Variants in CAMTA1 observed in about 807,000 individuals in gnomAD.
CAMTA1 encodes the protein calmodulin-binding transcription activator 1.
A neutral mutation model predicts 170.9 loss-of-function variants in CAMTA1; 27 were observed. The observed-to-expected ratio is 0.16, with a 90% CI of 0.12 to 0.22. The LOEUF (loss-of-function observed/expected upper bound fraction) is 0.22, where lower values mean the gene tolerates loss of function less well. Ranked by LOEUF, CAMTA1 falls within the 10% of genes least tolerant of loss-of-function variation. The pLI is 1.00. For synonymous variants in CAMTA1, 833 were observed against 891.5 expected (o/e 0.93, Z 1.17); for missense variants, 1,619 against 2,217.2 (o/e 0.73, Z 5.42).
intron 3 of CAMTA1, among the ~76,000 whole-genome samples, chr1:6,996,689 AAAAG>A (rs575454704): frequency 0.012 from 1,769 of 151,324 alleles, 27 homozygotes; most frequent in African/African-American, 0.038. Context: ...ATTTAAAAAA[AAAAG>A]AAAGAAAGAA....
intron 22 of CAMTA1, among the ~76,000 whole-genome samples, chr1:7,756,818 A>T (rs2096934711): frequency 6.6e-6 from 1 of 152,190 alleles, no homozygotes; most frequent in Non-Finnish European, 1.5e-5. Context: ...ACTGCACTCC[A>T]GCCTGAGCAA....
rs1225706523 is a variant in CAMTA1 at position 7,320,162 on chromosome 1, G to T, written c.438+70536G>T. ...ATCAAGTAGACGTGGTAAGGTGATT[G>T]TAGGCATTCTTGTCTTGCTCTTGAT... On this transcript the variant is annotated intron_variant, in intron 5 of 22. Transcript: ENST00000303635. Among the ~76,000 whole-genome samples the T allele has an allele frequency of 3.3e-5, 5 of 152,172 alleles. No homozygotes were observed. In the East Asian group the frequency reaches 9.6e-4, roughly 29 times the overall value.
intron 4 of CAMTA1, among the ~76,000 whole-genome samples, chr1:7,147,567 T>C (rs1272092463): frequency 1.4e-5 from 2 of 140,934 alleles, no homozygotes; most frequent in African/African-American, 2.7e-5. Context: ...CAAACATACA[T>C]CACACACACG....
Position 7,745,835 on chromosome 1 carries a change from C to T in CAMTA1, c.4371-10C>T, listed in dbSNP as rs1478525739. On this transcript the variant is annotated splice_polypyrimidine_tract_variant and intron_variant, in intron 17 of 22. Coordinates refer to ENST00000303635, the MANE Select transcript of CAMTA1 (RefSeq NM_015215.4). ...TTAATCTGTCTCTCCTTTTTCTCCT[C>T]TTGTTTCAGAAGTGCATATAACGAG... 1.5e-5 allele frequency: 24 copies of T among 1,613,022 alleles called. No individual in the cohort carries two copies. The highest frequency in any genetic ancestry group is 2.0e-5 in the Non-Finnish European group (24 of 1,179,544).
intron 6 of CAMTA1, among the ~76,000 whole-genome samples, chr1:7,590,809 A>G (rs535455853): frequency 7.2e-5 from 11 of 152,354 alleles, no homozygotes; most frequent in Admixed American, 5.9e-4. Context: ...CCAGAGAGAG[A>G]GGGGAGTTTC....
At chr1:7,263,195 G>A (rs1221676059) in intron 5 of CAMTA1, among the ~76,000 whole-genome samples, 2 of 151,930 alleles carry the variant, frequency 1.3e-5, no homozygotes, top group Non-Finnish European at 2.9e-5. Flanking sequence ...CTTTTTTTAA[G>A]CCCTCCAGAT....
chr1:6,959,773 T>C (rs1226749612), intron 3 of CAMTA1, among the ~76,000 whole-genome samples: 5 of 152,192 alleles, frequency 3.3e-5, no homozygotes, highest in African/African-American at 1.2e-4. Context: ...GTCACTTCAC[T>C]AGTAAGTAAC....
intron 5 of CAMTA1, among the ~76,000 whole-genome samples, chr1:7,316,894 G>A (rs1313634384): frequency 6.6e-6 from 1 of 152,168 alleles, no homozygotes; most frequent in Non-Finnish European, 1.5e-5. Context: ...ATACAAATGG[G>A]GTACAGCAGT....
At chr1:7,619,839 G>A (rs1199789892) in intron 6 of CAMTA1, among the ~76,000 whole-genome samples, 5 of 152,056 alleles carry the variant, frequency 3.3e-5, no homozygotes, top group African/African-American at 7.2e-5. Context: ...TAGTAGAGAC[G>A]GAGTTTCACC....
intron 1 of CAMTA1, among the ~76,000 whole-genome samples, chr1:6,816,905 GT>G (rs964580733): frequency 6.6e-6 from 1 of 152,160 alleles, no homozygotes; most frequent in African/African-American, 2.4e-5. Flanking sequence ...TATCATGGAA[GT>G]TTTTTTGTGC....
At chr1:7,507,093 C>T (rs761760903) in intron 6 of CAMTA1, among the ~76,000 whole-genome samples, 3 of 151,918 alleles carry the variant, frequency 2.0e-5, no homozygotes, top group South Asian at 4.2e-4. Flanking sequence ...AAAATTCACA[C>T]CCACACTTAC....
chr1:6,986,602 G>T (rs139994232), intron 3 of CAMTA1, among the ~76,000 whole-genome samples: 389 of 152,266 alleles, frequency 2.6e-3, no homozygotes, highest in Non-Finnish European at 3.7e-3. Flanking sequence ...ATCGTCCATG[G>T]TTGTACCTGC....
intron 5 of CAMTA1, among the ~76,000 whole-genome samples, chr1:7,274,380 A>G (rs1177621571): frequency 6.6e-6 from 1 of 152,220 alleles, no homozygotes; most frequent in African/African-American, 2.4e-5. Context: ...TTTTATAATG[A>G]TAAGAGGGTC....
intron 16 of CAMTA1, among the ~76,000 whole-genome samples, chr1:7,742,017 T>A (rs2096822197): frequency 6.8e-6 from 1 of 147,302 alleles, no homozygotes. Flanking sequence ...CAAAATGAAA[T>A]GAAAGAGAAA....
At chr1:7,096,825 T>C (rs1642136744) in intron 4 of CAMTA1, among the ~76,000 whole-genome samples, 1 of 152,204 alleles carries the variant, frequency 6.6e-6, no homozygotes, top group South Asian at 2.1e-4. Context: ...TTGCTTTGAT[T>C]CCATCGTTAT....
At chr1:7,070,608 T>C (rs1424744646) in intron 3 of CAMTA1, among the ~76,000 whole-genome samples, 5 of 151,768 alleles carry the variant, frequency 3.3e-5, no homozygotes, top group Non-Finnish European at 7.4e-5. Flanking sequence ...GCAAAGGGAG[T>C]GGTTGAGCCG....
intron 4 of CAMTA1, among the ~76,000 whole-genome samples, chr1:7,138,398 G>A (rs893111020): frequency 4.6e-5 from 7 of 151,908 alleles, no homozygotes; most frequent in Non-Finnish European, 8.8e-5. Context: ...TTAATATTAC[G>A]TTTCAGAAAT....
chr1:6,801,048 G>A (rs1435933007), intron 1 of CAMTA1, among the ~76,000 whole-genome samples: 1 of 152,182 alleles, frequency 6.6e-6, no homozygotes, highest in East Asian at 1.9e-4. Context: ...GCTATAACAA[G>A]TTAGAAGGGT....
In CAMTA1 at chr1:6,885,590, G is replaced by A. The variant is rs996373628; in HGVS notation, c.234+60380G>A. ...AGGCAAGCCTTTGCCCCCATCCCTC[G>A]TCTTCAGGCTGCAGAGTCCACATGC... On this transcript the variant is annotated intron_variant, in intron 3 of 22. Coordinates refer to ENST00000303635, the MANE Select transcript of CAMTA1 (RefSeq NM_015215.4). Among the ~76,000 whole-genome samples the A allele has an allele frequency of 5.9e-5, 9 of 152,150 alleles. No individual in the cohort carries two copies. In the East Asian group the frequency reaches 7.7e-4, roughly 13 times the overall value.
Sources: gnomAD v4.1 joint callset for allele counts (sites outside exome capture counted in the v4.1 genomes callset) on GRCh38, gnomAD v4.1.1 for gene constraint, MANE v1.5 for transcripts, NCBI Gene and HGNC (gene_info 2026-07-23, HGNC 2026-07-21) for gene names.